Variants in ARHGEF18 observed in about 807,000 individuals in gnomAD.
ARHGEF18 encodes the protein rho guanine nucleotide exchange factor 18.
A neutral mutation model predicts 155.7 loss-of-function variants in ARHGEF18; 93 were observed. That is an observed-to-expected ratio of 0.60 (90% CI 0.50 to 0.71). ARHGEF18 has a LOEUF of 0.71. Ranked by LOEUF, ARHGEF18 falls within the 30% of genes least tolerant of loss-of-function variation. The pLI, the probability that ARHGEF18 is intolerant of heterozygous loss-of-function variation, is 0.00. For synonymous variants in ARHGEF18, 742 were observed against 753.1 expected (o/e 0.99, Z 0.24); for missense variants, 1,593 against 1,816.1 (o/e 0.88, Z 2.23).
At chr19:7,394,790 G>T (rs941379567) in intron 10 of ARHGEF18, among the ~76,000 whole-genome samples, 1 of 151,958 alleles carries the variant, frequency 6.6e-6, no homozygotes, top group African/African-American at 2.4e-5. Flanking sequence ...ACCTAACCCT[G>T]CTGCTCTCCC....
chr19:7,381,773 G>A (rs1479499937), intron 8 of ARHGEF18, among the ~76,000 whole-genome samples: 1 of 152,132 alleles, frequency 6.6e-6, no homozygotes, highest in African/African-American at 2.4e-5. Flanking sequence ...TCTGGTGATA[G>A]GATGGGGACA....
rs758344756 is a variant in ARHGEF18 at position 7,469,037 on chromosome 19, G to T, written c.3693G>T (p.Val1231=). ...ACCAGTTCCAGAGGCAGGCGGCCGT[G>T]CAGCAGCAGATCCCCACCAAGCTGG... ...ATNQFQRQAA[V]QQQIPTKLAA... Residue 1231 remains valine, a synonymous_variant, in exon 27 of 29, where the codon GTG becomes GTT. Coordinates refer to ENST00000668164, the MANE Select transcript of ARHGEF18 (RefSeq NM_001367823.1). The T allele has an allele frequency of 3.1e-6, 5 of 1,603,732 alleles. No homozygotes were observed. The highest frequency in any genetic ancestry group is 4.3e-6 in the Non-Finnish European group (5 of 1,176,340).
chr19:7,475,525 AACACAC>A (rs145950630), downstream of ARHGEF18, among the ~76,000 whole-genome samples: 3 of 150,342 alleles, frequency 2.0e-5, no homozygotes, highest in Non-Finnish European at 4.4e-5. Flanking sequence ...AAACTGTTTA[AACACAC>A]ACACACACAC....
At chr19:7,396,098 G>A (rs1296460398) in intron 10 of ARHGEF18, among the ~76,000 whole-genome samples, 3 of 152,074 alleles carry the variant, frequency 2.0e-5, no homozygotes, top group Non-Finnish European at 4.4e-5. Flanking sequence ...TGCAGTATTT[G>A]GTTTTCTTTT....
chr19:7,430,305 G>A (rs1195698108), intron 10 of ARHGEF18, among the ~76,000 whole-genome samples: 6 of 151,884 alleles, frequency 4.0e-5, no homozygotes, highest in South Asian at 2.1e-4. Flanking sequence ...AGGCTCAAGC[G>A]ATCCTTCTGC....
chr19:7,388,836 C>T (rs1008774464), intron 10 of ARHGEF18, among the ~76,000 whole-genome samples: 1 of 152,188 alleles, frequency 6.6e-6, no homozygotes, highest in East Asian at 1.9e-4. Flanking sequence ...CCCCCTCAGC[C>T]TTCCAAAATG....
rs1280766425 is a variant in ARHGEF18, at chr19:7,395,759, T to C, written c.967+12556T>C. ...GTGCCATGGGTTTTAGTTTCTTGTA[T>C]AAGAACTCAGTTGGTGCTTTCATTG... is the stretch of plus-strand genomic sequence containing the variant. On this transcript the variant is annotated intron_variant, in intron 10 of 28. Coordinates refer to ENST00000668164, the MANE Select transcript of ARHGEF18 (RefSeq NM_001367823.1). This position sits in a 1 kb window ranked among gnomAD's most constrained non-coding sequence, Gnocchi z 5.0. Among the ~76,000 whole-genome samples the C allele has an allele frequency of 1.3e-5, 2 of 152,204 alleles. No homozygotes were observed. The highest frequency in any genetic ancestry group is 2.4e-5 in the African/African-American group (1 of 41,454).
At chr19:7,460,263 C>A (rs1472982445) in intron 20 of ARHGEF18, among the ~76,000 whole-genome samples, 1 of 152,086 alleles carries the variant, frequency 6.6e-6, no homozygotes, top group African/African-American at 2.4e-5. Context: ...ACCACACAGC[C>A]ACACACGCCA....
At chr19:7,464,487 G>A in intron 22 of ARHGEF18, 73 bp from the exon 23 acceptor site, 2 of 1,535,388 alleles carry the variant, frequency 1.3e-6, no homozygotes, top group South Asian at 2.5e-5. Context: ...GGCAGGGGCT[G>A]GGGGTGGACT....
intron 1 of ARHGEF18, among the ~76,000 whole-genome samples, chr19:7,360,450 G>T (rs1192444293): frequency 3.3e-5 from 5 of 152,068 alleles, no homozygotes; most frequent in Non-Finnish European, 7.4e-5. Flanking sequence ...TGGTCAGGCT[G>T]GTCTCAAACT....
At chr19:7,399,759 G>A (rs1426498309) in intron 10 of ARHGEF18, among the ~76,000 whole-genome samples, 1 of 149,784 alleles carries the variant, frequency 6.7e-6, no homozygotes, top group African/African-American at 2.5e-5. Context: ...GATTACAGGC[G>A]TGAGCCACCA....
chr19:7,364,365 A>AAAGAAGG (rs1555698633), intron 2 of ARHGEF18, among the ~76,000 whole-genome samples: 4 of 112,838 alleles, frequency 3.5e-5, no homozygotes, highest in African/African-American at 1.4e-4. Context: ...GGAGGGAAGG[A>AAAGAAGG]AAGGAAGGAA....
chr19:7,474,976 A>G (rs1356532244), downstream of ARHGEF18, among the ~76,000 whole-genome samples: 3 of 152,112 alleles, frequency 2.0e-5, no homozygotes, highest in East Asian at 1.9e-4. Context: ...GCCCACGCCT[A>G]TAATCCCAGC....
rs887449807 is a variant in ARHGEF18, at chr19:7,375,757, T to C, written c.313T>C (p.Cys105Arg). 8.1e-7 allele frequency: 1 copy of C among 1,234,494 alleles called. No individual in the cohort carries two copies. The highest frequency in any genetic ancestry group is 1.0e-6 in the Non-Finnish European group (1 of 988,254). 76.5% of individuals were successfully genotyped at this position (1,234,494 alleles called of 1,614,324 possible). A position where few individuals can be genotyped will look rare whatever the true frequency, so the allele number is the denominator to read the frequency against. ...LDASAVDEEP[C>R]LPRTLASLAL... ...TGCCTCAGCTGTGGATGAGGAACCC[T>C]GTCTCCCCCGAACACTGGCCAGCCT... Residue 105 changes from cysteine to arginine, a missense_variant, in exon 4 of 29, where the codon TGT becomes CGT. By Grantham distance (180) the Cys-to-Arg change is radical. Coordinates refer to ENST00000668164, the MANE Select transcript of ARHGEF18 (RefSeq NM_001367823.1).
rs2287920 is a variant in ARHGEF18, at chr19:7,464,605, G to A, written c.2819G>A (p.Arg940Gln). The change falls in exon 23 of 29, where the codon CGA (arginine) becomes CAA (glutamine). Residue 940 changes from arginine to glutamine, a missense_variant. Transcript: ENST00000668164. Reference protein sequence around the residue: ...KKVSSTDPRPRDWRGPPNSPD... With the variant: ...KKVSSTDPRPQDWRGPPNSPD... Reference sequence around the variant, plus strand: ...GTCAGCAGCACTGACCCCAGGCCCCGAGACTGGCGAGGCCCCCCAAACAGC... The same window carrying A: ...GTCAGCAGCACTGACCCCAGGCCCCAAGACTGGCGAGGCCCCCCAAACAGC... 5.3e-4 allele frequency: 851 copies of A among 1,613,886 alleles called. 5 individuals are homozygous for A. The East Asian group carries it at 0.018, about 34-fold the overall frequency.
At chr19:7,478,275 G>A in the ARHGEF18 span, 7 of 1,599,380 alleles carry the variant, frequency 4.4e-6, no homozygotes, top group South Asian at 3.4e-5. Context: ...GCCTGCTGGA[G>A]GGAGTGGGCC....
chr19:7,406,540 C>T (rs1972318417), intron 10 of ARHGEF18, among the ~76,000 whole-genome samples: 1 of 152,126 alleles, frequency 6.6e-6, no homozygotes. Context: ...TCAGATACCA[C>T]CTTCATCAAA....
chr19:7,350,767 GGTGTGTGTGTGTGTGTGTGTGTGTGTGT>G (rs71177199), intron 1 of ARHGEF18, among the ~76,000 whole-genome samples: 3 of 19,458 alleles, frequency 1.5e-4, no homozygotes, highest in Non-Finnish European at 4.7e-4. Context: ...TTTTGGGGTG[GGTGTGTGTGTGTGTGTGTGTGTGTGTGT>G]GTGTGTGTGT....
intron 10 of ARHGEF18, among the ~76,000 whole-genome samples, chr19:7,393,071 A>C (rs1278365449): frequency 6.7e-6 from 1 of 150,004 alleles, no homozygotes; most frequent in Non-Finnish European, 1.5e-5. Context: ...AAAAAAAAAA[A>C]AGGAAAAAAA....
Sources: gnomAD v4.1 joint callset for allele counts (sites outside exome capture counted in the v4.1 genomes callset) on GRCh38, gnomAD v4.1.1 for gene constraint, Gnocchi (gnomAD v3.1) non-coding constraint, MANE v1.5 for transcripts, NCBI Gene and HGNC (gene_info 2026-07-23, HGNC 2026-07-21) for gene names.